The following NYAP2 variants were observed in gnomAD, a reference collection of about 807,000 sequenced individuals.
NYAP2 encodes the protein neuronal tyrosine-phosphorylated phosphoinositide-3-kinase adapter 2.
NYAP2 carries 23 observed loss-of-function variants against 50.4 expected under a neutral mutation model. The ratio of observed to expected loss-of-function variants is 0.46; its 90% CI spans 0.33 to 0.65. The LOEUF is 0.65. NYAP2 is among the 30% of genes least tolerant of loss of function. NYAP2 has a pLI of 0.02. For synonymous variants in NYAP2, 394 were observed against 365.2 expected (o/e 1.08, Z -0.90); for missense variants, 885 against 861.0 (o/e 1.03, Z -0.35).
chr2:225,672,917 CA>C, the NYAP2 span, among the ~76,000 whole-genome samples: 1 of 151,260 alleles, frequency 6.6e-6, no homozygotes, highest in Admixed American at 6.6e-5. Flanking sequence ...CAAGCAATTA[CA>C]ATAGTGACAT....
chr2:225,589,516 A>AATATATATAT (rs71062993), intron 5 of NYAP2, among the ~76,000 whole-genome samples: 6,202 of 70,794 alleles, frequency 0.088, 375 homozygotes, highest in African/African-American at 0.11. Context: ...CTAAAAGTAA[A>AATATATATAT]ATATATATAT....
At chr2:225,700,252 G>T in the NYAP2 span, 1 of 151,600 alleles carries the variant, frequency 6.6e-6, no homozygotes, top group Non-Finnish European at 1.5e-5. Flanking sequence ...AAAAAATAAG[G>T]AAAAAGGTAA....
the NYAP2 span, among the ~76,000 whole-genome samples, chr2:225,666,770 G>A: frequency 1.3e-5 from 2 of 151,874 alleles, no homozygotes; most frequent in African/African-American, 2.4e-5. Context: ...ATCTTTTCAG[G>A]ATTGGGAGGG....
intron 5 of NYAP2, among the ~76,000 whole-genome samples, chr2:225,611,888 G>A (rs986442511): frequency 1.0e-4 from 13 of 127,322 alleles, no homozygotes; most frequent in Non-Finnish European, 1.4e-4. Flanking sequence ...GTATATATAT[G>A]TGTGTGTGTG....
intron 3 of NYAP2, among the ~76,000 whole-genome samples, chr2:225,479,862 C>CGGG (rs1690176991): frequency 6.6e-6 from 1 of 152,020 alleles, no homozygotes; most frequent in Admixed American, 6.6e-5. Flanking sequence ...TTTCCCCAGT[C>CGGG]CTATTTTCTT....
At chr2:225,625,571 C>T (rs1693194445) in intron 5 of NYAP2, among the ~76,000 whole-genome samples, 1 of 152,088 alleles carries the variant, frequency 6.6e-6, no homozygotes, top group East Asian at 1.9e-4. Context: ...CAAAGAAACA[C>T]AAGACATAAG....
chr2:225,476,345 G>A (rs189793334), intron 3 of NYAP2, among the ~76,000 whole-genome samples: 3 of 151,796 alleles, frequency 2.0e-5, no homozygotes, highest in Admixed American at 6.6e-5. Context: ...CCCGGGAGGC[G>A]GAGCTTGCAG....
intron 3 of NYAP2, among the ~76,000 whole-genome samples, chr2:225,410,639 A>G (rs953751650): frequency 1.3e-5 from 2 of 152,050 alleles, no homozygotes; most frequent in African/African-American, 2.4e-5. Flanking sequence ...AAATAAAATT[A>G]TTTTCTGGAT....
chr2:225,408,058 G>C (rs1694970743), intron 2 of NYAP2, among the ~76,000 whole-genome samples: 1 of 151,926 alleles, frequency 6.6e-6, no homozygotes, highest in Admixed American at 6.6e-5. Flanking sequence ...TTACAGTTGA[G>C]AGTAATATAT....
chr2:225,470,591 A>T (rs915934164), intron 3 of NYAP2, among the ~76,000 whole-genome samples: 2 of 152,148 alleles, frequency 1.3e-5, no homozygotes, highest in African/African-American at 4.8e-5. Context: ...CATAGGGGGA[A>T]TGCCTGCTGA....
At chr2:225,486,848 A>G (rs1559193247) in intron 3 of NYAP2, among the ~76,000 whole-genome samples, 1 of 152,150 alleles carries the variant, frequency 6.6e-6, no homozygotes, top group Non-Finnish European at 1.5e-5. Flanking sequence ...CCTCCTCCCT[A>G]CAGATCTGAG....
chr2:225,574,294 G>A (rs985264679), intron 4 of NYAP2, among the ~76,000 whole-genome samples: 1 of 152,164 alleles, frequency 6.6e-6, no homozygotes, highest in African/African-American at 2.4e-5. Flanking sequence ...TCAAACAGTG[G>A]GGGCTAGAGG....
chr2:225,666,689 A>C, the NYAP2 span, among the ~76,000 whole-genome samples: 1 of 152,212 alleles, frequency 6.6e-6, no homozygotes, highest in African/African-American at 2.4e-5. Context: ...GAAGTCTTAA[A>C]GTGGCTGCCC....
At chr2:225,681,072 A>C in the NYAP2 span, among the ~76,000 whole-genome samples, 4 of 152,270 alleles carry the variant, frequency 2.6e-5, no homozygotes, top group East Asian at 7.7e-4. Flanking sequence ...ATAACCCAAA[A>C]ATTTACTGCT....
intron 5 of NYAP2, among the ~76,000 whole-genome samples, chr2:225,584,058 CA>C (rs1240269185): frequency 2.7e-5 from 4 of 147,226 alleles, no homozygotes; most frequent in South Asian, 2.2e-4. Context: ...AAAAAACAAA[CA>C]AAAAAAAAAC....
chr2:225,551,804 TG>T (rs1415103639), intron 4 of NYAP2, among the ~76,000 whole-genome samples: 3 of 152,196 alleles, frequency 2.0e-5, no homozygotes, highest in Non-Finnish European at 4.4e-5. Flanking sequence ...TTCCATTATG[TG>T]GGCATTAATT....
intron 3 of NYAP2, among the ~76,000 whole-genome samples, chr2:225,441,720 C>A (rs1001813484): frequency 6.6e-6 from 1 of 152,276 alleles, no homozygotes; most frequent in African/African-American, 2.4e-5. Flanking sequence ...ACTGCCTCCA[C>A]GATCCAATCA....
At chr2:225,477,557 G>A (rs909373902) in intron 3 of NYAP2, among the ~76,000 whole-genome samples, 3 of 151,956 alleles carry the variant, frequency 2.0e-5, no homozygotes, top group African/African-American at 7.2e-5. Context: ...TTTCTAACAA[G>A]TTCACAGATC....
intron 6 of NYAP2, among the ~76,000 whole-genome samples, chr2:225,643,768 A>C (rs532108003): frequency 7.5e-6 from 1 of 134,080 alleles, no homozygotes; most frequent in South Asian, 2.4e-4. Context: ...ACAAAGGACA[A>C]GAACTCATCA....
Sources: allele counts gnomAD v4.1 joint callset (sites outside exome capture counted in the v4.1 genomes callset), GRCh38; gene constraint gnomAD v4.1.1; transcripts MANE v1.5; gene names NCBI Gene and HGNC (gene_info 2026-07-23, HGNC 2026-07-21).